LRP1B: variants seen among roughly 807,000 people sequenced by gnomAD.
LRP1B encodes the protein low-density lipoprotein receptor-related protein 1B.
A neutral mutation model predicts 556.6 loss-of-function variants in LRP1B; 217 were observed. The observed-to-expected ratio is 0.39, with a 90% CI of 0.35 to 0.44. LRP1B has a LOEUF of 0.44. LRP1B is among the 20% of genes least tolerant of loss of function. LRP1B has a pLI of 1.00. For synonymous variants in LRP1B, 2,047 were observed against 1,865.8 expected (o/e 1.10, Z -2.50); for missense variants, 5,053 against 5,620.8 (o/e 0.90, Z 3.23).
At chr2:140,663,808 C>T (rs1242754988) in intron 41 of LRP1B, among the ~76,000 whole-genome samples, 3 of 152,172 alleles carry the variant, frequency 2.0e-5, no homozygotes, top group Non-Finnish European at 4.4e-5. Flanking sequence ...TGAAATCTGG[C>T]TTTTATTGCG....
At chr2:141,747,410 A>T (rs921785895) in intron 2 of LRP1B, among the ~76,000 whole-genome samples, 1 of 152,232 alleles carries the variant, frequency 6.6e-6, no homozygotes, top group Non-Finnish European at 1.5e-5. Context: ...TCAGGTAGTA[A>T]TATCAATTTG....
intron 68 of LRP1B, among the ~76,000 whole-genome samples, chr2:140,377,841 A>T (rs1683302240): frequency 6.6e-6 from 1 of 152,198 alleles, no homozygotes; most frequent in Admixed American, 6.5e-5. Context: ...TAAAAATATT[A>T]GTCCTGACTA....
At chr2:141,421,442 T>A (rs1042158996) in intron 3 of LRP1B, among the ~76,000 whole-genome samples, 5 of 145,938 alleles carry the variant, frequency 3.4e-5, no homozygotes, top group Non-Finnish European at 7.5e-5. Flanking sequence ...GGCAGGAGAA[T>A]GGCGTGAACC....
chr2:140,484,119 A>T (rs1326369904), intron 59 of LRP1B, among the ~76,000 whole-genome samples: 1 of 152,138 alleles, frequency 6.6e-6, no homozygotes, highest in Non-Finnish European at 1.5e-5. Context: ...TACTCTTTGA[A>T]CCTTCTGTTG....
At chr2:141,525,347 C>A (rs1231303935) in intron 2 of LRP1B, among the ~76,000 whole-genome samples, 1 of 151,934 alleles carries the variant, frequency 6.6e-6, no homozygotes, top group Non-Finnish European at 1.5e-5. Flanking sequence ...TTGAAAGTAT[C>A]TAGGAATTAT....
intron 3 of LRP1B, among the ~76,000 whole-genome samples, chr2:141,340,996 C>T (rs537795829): frequency 6.6e-6 from 1 of 151,990 alleles, no homozygotes; most frequent in African/African-American, 2.4e-5. Flanking sequence ...CCCAGGTGCT[C>T]AAAATAATCC....
chr2:141,368,605 T>A (rs1199290282), intron 3 of LRP1B, among the ~76,000 whole-genome samples: 1 of 152,226 alleles, frequency 6.6e-6, no homozygotes, highest in Non-Finnish European at 1.5e-5. Flanking sequence ...ATACCTCACA[T>A]GTGGCTTTTA....
At chr2:141,464,968 A>G (rs1223793245) in intron 3 of LRP1B, among the ~76,000 whole-genome samples, 1 of 152,122 alleles carries the variant, frequency 6.6e-6, no homozygotes, top group Non-Finnish European at 1.5e-5. Flanking sequence ...TTTTGGGTTT[A>G]TTTGTGCAAA....
rs1559187919 is a variant in LRP1B at position 140,908,364 on chromosome 2, TA to T, written c.3320-288del. ...ATATATACATATATTTATATTTATA[TA>T]ATATATATATATATATATATATATA... On this transcript the variant is annotated intron_variant, in intron 21 of 90. Transcript: ENST00000389484. 2.1e-4 allele frequency among the ~76,000 whole-genome samples: 7 copies of T among 33,770 alleles called. No homozygotes were observed. In the South Asian group the frequency reaches 9.5e-3, roughly 46 times the overall value. 22.2% of individuals were successfully genotyped at this position (33,770 alleles called of 152,430 possible). A position where few individuals can be genotyped will look rare whatever the true frequency, so the allele number is the denominator to read the frequency against.
At chr2:142,022,556 G>A (rs937042063) in intron 1 of LRP1B, among the ~76,000 whole-genome samples, 3 of 152,110 alleles carry the variant, frequency 2.0e-5, no homozygotes. Flanking sequence ...GTCACTGCAG[G>A]CTATAGCTCA....
chr2:140,985,959 C>G (rs1696909759), intron 17 of LRP1B, among the ~76,000 whole-genome samples: 1 of 151,724 alleles, frequency 6.6e-6, no homozygotes, highest in Admixed American at 6.6e-5. Flanking sequence ...CCCTCTCTTT[C>G]CAGAGGTAAC....
chr2:141,323,374 G>A (rs540099753), intron 3 of LRP1B, among the ~76,000 whole-genome samples: 5 of 152,054 alleles, frequency 3.3e-5, no homozygotes, highest in Non-Finnish European at 7.4e-5. Flanking sequence ...ATGTTTGTGT[G>A]TTTTTAATGA....
At chr2:140,357,100 T>G (rs1682260820) in intron 74 of LRP1B, among the ~76,000 whole-genome samples, 1 of 151,792 alleles carries the variant, frequency 6.6e-6, no homozygotes, top group Non-Finnish European at 1.5e-5. Flanking sequence ...ATTTTATTAC[T>G]TTATCTCCCA....
chr2:141,939,751 C>T (rs1700741504), intron 1 of LRP1B, among the ~76,000 whole-genome samples: 1 of 151,978 alleles, frequency 6.6e-6, no homozygotes, highest in South Asian at 2.1e-4. Flanking sequence ...TCATCGATGT[C>T]ATGTTAATAT....
chr2:140,472,880 T>C (rs11903329), intron 60 of LRP1B, among the ~76,000 whole-genome samples: 40,763 of 151,836 alleles, frequency 0.27, 5,811 homozygotes, highest in African/African-American at 0.31. Flanking sequence ...TCATGACTGG[T>C]ATGTCTCATC....
intron 1 of LRP1B, among the ~76,000 whole-genome samples, chr2:142,061,757 G>C (rs902045730): frequency 6.6e-6 from 1 of 151,906 alleles, no homozygotes; most frequent in African/African-American, 2.4e-5. Flanking sequence ...TTTAATGGTA[G>C]ACTTCAGAAC....
chr2:141,036,853 G>A (rs1213006837), intron 11 of LRP1B, among the ~76,000 whole-genome samples: 10 of 151,358 alleles, frequency 6.6e-5, no homozygotes, highest in Admixed American at 6.6e-4. Context: ...ATTGTATATT[G>A]ATATTAAAAA....
intron 2 of LRP1B, among the ~76,000 whole-genome samples, chr2:141,541,231 T>A (rs7589997): frequency 0.33 from 49,775 of 151,814 alleles, 8,515 homozygotes; most frequent in East Asian, 0.62. Context: ...TGTATTTGAA[T>A]ACAGGCATAA....
At chr2:140,734,011 T>A (rs1687865696) in intron 35 of LRP1B, among the ~76,000 whole-genome samples, 1 of 152,134 alleles carries the variant, frequency 6.6e-6, no homozygotes, top group African/African-American at 2.4e-5. Flanking sequence ...CTCAACGAAA[T>A]TACAATACAG....
Sources: gnomAD v4.1 joint callset for allele counts (sites outside exome capture counted in the v4.1 genomes callset) on GRCh38, gnomAD v4.1.1 for gene constraint, MANE v1.5 for transcripts, NCBI Gene and HGNC (gene_info 2026-07-23, HGNC 2026-07-21) for gene names.